The following BCAS3 variants were observed in gnomAD, a reference collection of about 807,000 sequenced individuals.
BCAS3 encodes BCAS4/BCAS3 fusion.
A neutral mutation model predicts 116.1 loss-of-function variants in BCAS3; 53 were observed. That is an observed-to-expected ratio of 0.46 (90% CI 0.37 to 0.57). BCAS3 has a LOEUF of 0.57. Among genes scored for constraint, BCAS3 ranks in the 20% least tolerant of loss-of-function variants. BCAS3 has a pLI of 0.00. For missense variants in BCAS3, 917 were observed against 1,165.4 expected (o/e 0.79, Z 3.10); for synonymous variants, 391 against 408.2 (o/e 0.96, Z 0.51).
At chr17:60,826,468 A>G (rs1320649767) in intron 7 of BCAS3, among the ~76,000 whole-genome samples, 1 of 152,144 alleles carries the variant, frequency 6.6e-6, no homozygotes, top group Non-Finnish European at 1.5e-5. Flanking sequence ...AGCCACCACT[A>G]TAGCTGGTCC....
intron 22 of BCAS3, among the ~76,000 whole-genome samples, chr17:61,125,644 A>G (rs2076011971): frequency 1.3e-5 from 2 of 152,310 alleles, no homozygotes; most frequent in South Asian, 4.1e-4. Context: ...TTGCTCACCA[A>G]CAGAGTACTT....
chr17:60,770,076 GT>G (rs1356625721), intron 6 of BCAS3, among the ~76,000 whole-genome samples: 2 of 151,974 alleles, frequency 1.3e-5, no homozygotes, highest in Non-Finnish European at 1.5e-5. Flanking sequence ...CCCAGTCCAA[GT>G]TTGGTTCTTA....
chr17:60,786,547 G>GTA (rs72319489), intron 6 of BCAS3, among the ~76,000 whole-genome samples: 4,059 of 140,580 alleles, frequency 0.029, 83 homozygotes, highest in South Asian at 0.085. Context: ...CTGCAAATGT[G>GTA]TATATATATA....
intron 6 of BCAS3, among the ~76,000 whole-genome samples, chr17:60,761,623 G>A (rs2043541654): frequency 6.6e-6 from 1 of 152,094 alleles, no homozygotes; most frequent in Non-Finnish European, 1.5e-5. Flanking sequence ...CATTTGGGTT[G>A]GTTCCATGTA....
chr17:61,206,477 T>C (rs764185088), intron 22 of BCAS3, among the ~76,000 whole-genome samples: 5 of 152,146 alleles, frequency 3.3e-5, no homozygotes, highest in Admixed American at 6.5e-5. Context: ...GACTATAATA[T>C]TAACTAAACT....
At chr17:61,250,553 A>C (rs1052593347) in intron 22 of BCAS3, among the ~76,000 whole-genome samples, 10 of 152,240 alleles carry the variant, frequency 6.6e-5, no homozygotes, top group African/African-American at 2.4e-4. Context: ...TGGAGACATC[A>C]TAAGAAACAT....
chr17:61,005,122 CGTG>C (rs1490407763), intron 15 of BCAS3, among the ~76,000 whole-genome samples: 1 of 151,982 alleles, frequency 6.6e-6, no homozygotes, highest in East Asian at 1.9e-4. Flanking sequence ...TGGGGATGGT[CGTG>C]GTATCACTCC....
chr17:60,981,275 T>C (rs982862705), intron 14 of BCAS3, among the ~76,000 whole-genome samples: 1 of 152,036 alleles, frequency 6.6e-6, no homozygotes, highest in African/African-American at 2.4e-5. Context: ...GATAGTGTTT[T>C]AAGTGTATTT....
Position 61,368,614 on chromosome 17 carries a change from C to A in BCAS3, c.2593+120C>A, listed in dbSNP as rs1568955489. On this transcript the variant is annotated intron_variant, in intron 23 of 23. Coordinates refer to ENST00000407086, the MANE Select transcript of BCAS3 (RefSeq NM_017679.5). The surrounding 1 kb of genome is among the most constrained non-coding windows in gnomAD (Gnocchi z 6.0). ...TTTTGCTGTTGGTTTCTTTAGTTAGCACTCCAGTGGCTATCCGTCTGAGGA... is the reference window on the plus strand; with the variant it reads ...TTTTGCTGTTGGTTTCTTTAGTTAGAACTCCAGTGGCTATCCGTCTGAGGA... The A allele has an allele frequency of 8.5e-7, 1 of 1,180,390 alleles. No individual in the cohort carries two copies. Among genetic ancestry groups the A allele is most frequent in the Non-Finnish European group, 1.2e-6 (1 of 856,470 alleles). The allele number at this position is 1,180,390 out of a possible 1,614,324, so 73.1% of individuals were successfully genotyped here.
chr17:60,710,805 CTTT>C (rs547993917), intron 5 of BCAS3, among the ~76,000 whole-genome samples: 54 of 134,948 alleles, frequency 4.0e-4, no homozygotes, highest in Non-Finnish European at 6.2e-4. Flanking sequence ...CCATTCTGTT[CTTT>C]TTTTTTTTTT....
rs2072067292 is a variant in BCAS3, at chr17:61,077,072, T to C, written c.2131-1261T>C. On this transcript the variant is annotated intron_variant, in intron 20 of 23. Coordinates refer to ENST00000407086, the MANE Select transcript of BCAS3 (RefSeq NM_017679.5). This position sits in a 1 kb window ranked among gnomAD's most constrained non-coding sequence, Gnocchi z 4.3. ...CATAAAGTATTTGCACAGGCATGAA[T>C]GTACCATTGACAAGACATTTAAACT... is the stretch of plus-strand genomic sequence containing the variant. Among the ~76,000 whole-genome samples the C allele has an allele frequency of 6.6e-6, 1 of 151,964 alleles. No individual in the cohort carries two copies. The highest frequency in any genetic ancestry group is 2.4e-5 in the African/African-American group (1 of 41,318).
chr17:60,752,074 C>T (rs1349090406), intron 6 of BCAS3, among the ~76,000 whole-genome samples: 1 of 151,986 alleles, frequency 6.6e-6, no homozygotes, highest in African/African-American at 2.4e-5. Context: ...TAACTATTCA[C>T]ACATGCATAA....
intron 22 of BCAS3, among the ~76,000 whole-genome samples, chr17:61,160,470 G>T (rs1435819826): frequency 1.3e-5 from 2 of 152,106 alleles, no homozygotes; most frequent in Non-Finnish European, 2.9e-5. Context: ...CCCTGTGACT[G>T]CGCTCCTGCA....
chr17:60,731,245 G>T (rs1001253400), intron 5 of BCAS3, among the ~76,000 whole-genome samples: 6 of 152,082 alleles, frequency 3.9e-5, no homozygotes, highest in Non-Finnish European at 5.9e-5. Context: ...ACAAAGTCTT[G>T]CTTTGTCGCC....
At chr17:60,882,100 C>G (rs1285723398) in intron 9 of BCAS3, among the ~76,000 whole-genome samples, 2 of 149,720 alleles carry the variant, frequency 1.3e-5, no homozygotes, top group Non-Finnish European at 3.0e-5. Flanking sequence ...TCTCCAGCAC[C>G]TGTTGTTTCC....
intron 5 of BCAS3, among the ~76,000 whole-genome samples, chr17:60,726,775 C>A: frequency 6.6e-6 from 1 of 152,126 alleles, no homozygotes; most frequent in East Asian, 1.9e-4. Context: ...TCCCAGAGTG[C>A]TGGAATTACA....
chr17:60,757,936 T>C (rs2043159141), intron 6 of BCAS3, among the ~76,000 whole-genome samples: 1 of 152,168 alleles, frequency 6.6e-6, no homozygotes, highest in African/African-American at 2.4e-5. Flanking sequence ...TTGATTTTTG[T>C]ATATGGGGAG....
At chr17:60,982,734 A>G (rs1472097559) in intron 14 of BCAS3, among the ~76,000 whole-genome samples, 1 of 146,752 alleles carries the variant, frequency 6.8e-6, no homozygotes, top group Non-Finnish European at 1.5e-5. Flanking sequence ...AATTGCATCA[A>G]CAAAAATTTT....
At chr17:61,267,242 A>T (rs182674562) in intron 22 of BCAS3, among the ~76,000 whole-genome samples, 3,255 of 146,614 alleles carry the variant, frequency 0.022, 109 homozygotes, top group African/African-American at 0.078. Context: ...TATTTTTAGT[A>T]GAGACGAGGT....
Sources: allele counts gnomAD v4.1 joint callset (sites outside exome capture counted in the v4.1 genomes callset), GRCh38; gene constraint gnomAD v4.1.1; non-coding constraint Gnocchi (gnomAD v3.1); transcripts MANE v1.5; gene names NCBI Gene and HGNC (gene_info 2026-07-23, HGNC 2026-07-21).